The following TACC2 variants were observed in gnomAD, a reference collection of about 807,000 sequenced individuals.
TACC2 encodes transforming acidic coiled-coil containing protein 2, also known as transforming acidic coiled-coil-containing protein 2.
A neutral mutation model predicts 227.3 loss-of-function variants in TACC2; 137 were observed. That is an observed-to-expected ratio of 0.60 (90% CI 0.52 to 0.69). The LOEUF (loss-of-function observed/expected upper bound fraction) is 0.69. Among genes scored for constraint, TACC2 ranks in the 30% least tolerant of loss-of-function variants. The pLI is 0.00. For synonymous variants in TACC2, 1,523 were observed against 1,487.5 expected (o/e 1.02, Z -0.55); for missense variants, 3,470 against 3,694.4 (o/e 0.94, Z 1.57).
At chr10:122,204,027 G>C (rs1017470911) in intron 8 of TACC2, among the ~76,000 whole-genome samples, 1 of 151,258 alleles carries the variant, frequency 6.6e-6, no homozygotes, top group Non-Finnish European at 1.5e-5. Flanking sequence ...GTGTGGCGGC[G>C]CGCGCCTGCA....
intron 7 of TACC2, among the ~76,000 whole-genome samples, chr10:122,169,737 C>G (rs1198912756): frequency 6.6e-6 from 1 of 152,176 alleles, no homozygotes. Context: ...AGCCTTCCCT[C>G]TCATCTGAGC....
intron 19 of TACC2, among the ~76,000 whole-genome samples, chr10:122,243,083 A>T (rs1188694061): frequency 2.6e-5 from 4 of 152,168 alleles, no homozygotes; most frequent in African/African-American, 4.8e-5. Flanking sequence ...AGCTGGGATT[A>T]TAGGCATCTG....
At chr10:122,020,536 AGT>A (rs1379310595) in intron 1 of TACC2, among the ~76,000 whole-genome samples, 1 of 152,212 alleles carries the variant, frequency 6.6e-6, no homozygotes, top group Non-Finnish European at 1.5e-5. Context: ...CTACGCAATC[AGT>A]GTTGCTTAAA....
chr10:122,193,551 C>T (rs1043747705), intron 7 of TACC2, among the ~76,000 whole-genome samples: 5 of 152,172 alleles, frequency 3.3e-5, no homozygotes, highest in East Asian at 1.9e-4. Flanking sequence ...ACACACTGTC[C>T]GTACTCACCT....
intron 7 of TACC2, among the ~76,000 whole-genome samples, chr10:122,170,907 T>G (rs75702817): frequency 1.3e-5 from 2 of 152,100 alleles, no homozygotes; most frequent in Non-Finnish European, 2.9e-5. Flanking sequence ...CCTTGGCTGG[T>G]CTCTTTTTTC....
chr10:122,136,848 C>T (rs1350526111), intron 6 of TACC2, among the ~76,000 whole-genome samples: 1 of 152,018 alleles, frequency 6.6e-6, no homozygotes, highest in Non-Finnish European at 1.5e-5. Context: ...GCCACTGAAC[C>T]CAGCAGAATT....
chr10:122,026,541 G>T (rs960581652), intron 2 of TACC2, among the ~76,000 whole-genome samples: 7 of 151,942 alleles, frequency 4.6e-5, no homozygotes, highest in African/African-American at 1.7e-4. Context: ...CACGATTTAG[G>T]TATTGCACAT....
chr10:121,995,027 C>T (rs1269298873), intron 1 of TACC2, among the ~76,000 whole-genome samples: 1 of 152,180 alleles, frequency 6.6e-6, no homozygotes, highest in Non-Finnish European at 1.5e-5. Context: ...CTGCCCATCA[C>T]AAATTTTAGT....
chr10:122,108,894 T>C (rs991483461), intron 5 of TACC2, among the ~76,000 whole-genome samples: 1 of 151,946 alleles, frequency 6.6e-6, no homozygotes, highest in Non-Finnish European at 1.5e-5. Flanking sequence ...CCACCACGCC[T>C]GGCTAATTTT....
rs540765159 is a variant in TACC2, at chr10:122,210,589, G to A, written c.6164G>A (p.Arg2055His). ...LVDTFQTLEP[R>H]ASDAKNQEGK... ...GATACCTTTCAGACCTTGGAGCCTC[G>A]TGCCTCAGACGCTAAGAATCAGGAG... The change falls in exon 9 of 23, where the codon CGT becomes CAT. Residue 2055 changes from arginine to histidine, a missense_variant. Around this residue, in one of 10 missense-constraint regions of TACC2, gnomAD observed 593 missense variants for 636.6 expected, o/e 0.93. Transcript: ENST00000369005. This position sits in a 1 kb window ranked among gnomAD's most constrained non-coding sequence, Gnocchi z 4.6. The A allele has an allele frequency of 2.3e-5, 37 of 1,614,094 alleles. No homozygotes were observed. The East Asian group carries it at 4.0e-4, about 17-fold the overall frequency.
intron 3 of TACC2, among the ~76,000 whole-genome samples, chr10:122,053,337 T>A (rs2075901664): frequency 1.3e-5 from 2 of 152,006 alleles, no homozygotes; most frequent in South Asian, 4.2e-4. Flanking sequence ...CTCCCTATCA[T>A]GAGAACAGCT....
At chr10:122,029,657 G>A (rs192426817) in intron 2 of TACC2, among the ~76,000 whole-genome samples, 11 of 152,222 alleles carry the variant, frequency 7.2e-5, no homozygotes, top group South Asian at 4.1e-4. Context: ...GGTTGGCTTC[G>A]GGCACGCCTC....
At chr10:122,190,421 G>A (rs1478656885) in intron 7 of TACC2, among the ~76,000 whole-genome samples, 1 of 152,152 alleles carries the variant, frequency 6.6e-6, no homozygotes, top group African/African-American at 2.4e-5. Flanking sequence ...GACCAAGAAA[G>A]TACTTGAAAA....
At chr10:122,123,144 A>C (rs2086164075) in intron 5 of TACC2, among the ~76,000 whole-genome samples, 2 of 152,128 alleles carry the variant, frequency 1.3e-5, no homozygotes, top group African/African-American at 4.8e-5. Flanking sequence ...CTGGGACCAC[A>C]GGTGCACGCC....
At chr10:122,179,186 G>A (rs879482028) in intron 7 of TACC2, among the ~76,000 whole-genome samples, 4 of 152,204 alleles carry the variant, frequency 2.6e-5, no homozygotes, top group African/African-American at 9.6e-5. Flanking sequence ...CAGCAAGAAG[G>A]TCAGGTCTGA....
intron 7 of TACC2, among the ~76,000 whole-genome samples, chr10:122,171,989 A>G (rs1224492051): frequency 6.6e-6 from 1 of 152,164 alleles, no homozygotes; most frequent in Non-Finnish European, 1.5e-5. Context: ...GCCCAAGTGG[A>G]AAATAGCTGT....
At position 122,254,160 on chromosome 10, in the gene TACC2, A is replaced by G; in HGVS notation, c.*104A>G. On this transcript the variant is annotated 3_prime_UTR_variant, in exon 23 of 23. Coordinates refer to ENST00000369005, the MANE Select transcript of TACC2 (RefSeq NM_206862.4). ...ACAGGTTCTGTTTTCACTTTTTCGT[A>G]TGCACTACTGTATTTCCTTTCTAAA... 1 of 891,826 alleles carries G rather than the reference A, an allele frequency of 1.1e-6. No homozygotes were observed. The highest frequency in any genetic ancestry group is 1.9e-6 in the Non-Finnish European group (1 of 523,050). The allele number at this position is 891,826 out of a possible 1,614,324, so 55.2% of individuals were successfully genotyped here. A position where few individuals can be genotyped will look rare whatever the true frequency, so the allele number is the denominator to read the frequency against.
chr10:122,078,472 G>T (rs2079086352), intron 3 of TACC2, among the ~76,000 whole-genome samples: 1 of 152,058 alleles, frequency 6.6e-6, no homozygotes, highest in Non-Finnish European at 1.5e-5. Context: ...ATGACCCCCT[G>T]CCAGCCCCTG....
chr10:122,216,395 A>T lies in TACC2; in HGVS notation c.7345-232A>T, dbSNP rs7893655. On this transcript the variant is annotated intron_variant, in intron 10 of 22. Coordinates refer to ENST00000369005, the MANE Select transcript of TACC2 (RefSeq NM_206862.4). ...CAAAATCCTGATTTTTTTTTTTTTT[A>T]AATTCATGGTCATTCCCTGAAACAA... 0.029 allele frequency among the ~76,000 whole-genome samples: 3,401 copies of T among 116,666 alleles called. 123 individuals are homozygous for T. The highest frequency in any genetic ancestry group is 0.093 in the African/African-American group (3,241 of 34,702). 76.5% of individuals were successfully genotyped at this position (116,666 alleles called of 152,430 possible).
Sources: allele counts gnomAD v4.1 joint callset (sites outside exome capture counted in the v4.1 genomes callset), GRCh38; gene constraint gnomAD v4.1.1; regional missense constraint gnomAD v4.1.1; non-coding constraint Gnocchi (gnomAD v3.1); transcripts MANE v1.5; gene names NCBI Gene and HGNC (gene_info 2026-07-23, HGNC 2026-07-21).